PBXIP1: variants seen among roughly 807,000 people sequenced by gnomAD.
The protein encoded by PBXIP1 is pre-B-cell leukemia transcription factor-interacting protein 1.
PBXIP1 carries 73 observed loss-of-function variants against 73.7 expected under a neutral mutation model. The ratio of observed to expected loss-of-function variants is 0.99; its 90% confidence interval spans 0.82 to 1.20. The LOEUF (loss-of-function observed/expected upper bound fraction) is 1.20, where lower values mean the gene tolerates loss of function less well. Among genes scored for constraint, PBXIP1 ranks in the 50% most tolerant of loss-of-function variants. The probability of loss-of-function intolerance (pLI) is 0.00; values close to 1 mark genes in which losing one functional copy is unlikely to be tolerated. For synonymous variants in PBXIP1, 330 were observed against 366.9 expected (o/e 0.90, Z 1.15); for missense variants, 818 against 911.4 (o/e 0.90, Z 1.32).
Position 154,947,785 on chromosome 1 carries a change from C to T in PBXIP1, c.668-73G>A. Reference sequence around the variant, plus strand: ...CATTCTCCCCACACCTTCCCATTCACACAGCCACCACTCCTGCTCAGGACC... The same window carrying T: ...CATTCTCCCCACACCTTCCCATTCATACAGCCACCACTCCTGCTCAGGACC... On this transcript the variant is annotated intron_variant, in intron 7 of 10. Coordinates refer to ENST00000368463, the MANE Select transcript of PBXIP1 (RefSeq NM_020524.4). 7 of 1,496,658 alleles carry T rather than the reference C, an allele frequency of 4.7e-6. No individual in the cohort carries two copies. The East Asian group carries it at 9.0e-5, about 19-fold the overall frequency. The allele number at this position is 1,496,658 out of a possible 1,614,324, so 92.7% of individuals were successfully genotyped here.
chr1:154,945,141 G>A (rs1654759086), intron 10 of PBXIP1, 24 bp from the exon 11 acceptor site: 1 of 1,561,312 alleles, frequency 6.4e-7, no homozygotes, highest in Non-Finnish European at 8.8e-7. Context: ...GAGGCCTTTA[G>A]GGGACAATAC....
chr1:154,954,974 A>G (rs1424166212), intron 1 of PBXIP1: 2 of 984,508 alleles, frequency 2.0e-6, no homozygotes, highest in Non-Finnish European at 2.4e-6. Context: ...CAACCACATT[A>G]TCCCCTTCTG....
At chr1:154,952,071 G>A (rs903120762) in intron 2 of PBXIP1, 150 bp from the exon 3 acceptor site, 7 of 789,952 alleles carry the variant, frequency 8.9e-6, no homozygotes, top group East Asian at 2.8e-5. Flanking sequence ...CACTCACTGC[G>A]AGGAGGAACT....
Position 154,951,919 on chromosome 1 carries a change from G to A in PBXIP1, c.54C>T (p.Ser18=). 6.2e-7 allele frequency: 1 copy of A among 1,604,146 alleles called. No homozygotes were observed. The highest frequency in any genetic ancestry group is 2.2e-5 in the East Asian group (1 of 44,834). Residue 18 remains serine, a splice_region_variant and synonymous_variant, in exon 3 of 11, where the codon AGC becomes AGT. Transcript: ENST00000368463. The surrounding 1 kb of genome is among the most constrained non-coding windows in gnomAD (Gnocchi z 4.3). ...CCGGGCCCAGTGTCTCCACTGGCAG[G>A]CTCTGGGAGGAGAAGTGCAAGGAGA... ...DNSWVLAGSE[S]LPVETLGPAS...
At position 154,948,279 on chromosome 1, in the gene PBXIP1, T is replaced by C. The variant is rs143183944; in HGVS notation, c.497A>G (p.Glu166Gly). The part of the protein sequence containing the change: ...MEGLRRRRGR[E>G]AGPPQPMVPL... ...CACCATGGGCTGAGGTGGGCCGGCC[T>C]CCCGGCCCCGCCGTCTCCGCAGACC... Residue 166 changes from glutamate to glycine, a missense_variant, in exon 6 of 11, where the codon GAG becomes GGG. Transcript: ENST00000368463. The C allele has an allele frequency of 6.2e-7, 1 of 1,609,456 alleles. No homozygotes were observed.
rs759479530 is a variant in PBXIP1, at chr1:154,946,236, CCCA to C, written c.1435_1437del (p.Trp479del). ...TCAGCCTTCCGGTCTCTCTGCCCAT[CCCA>C]CCACTTTTCCTTTCCACTCCACTCC... On this transcript the variant is annotated inframe_deletion, in exon 10 of 11. Transcript: ENST00000368463. The C allele has an allele frequency of 2.0e-5, 33 of 1,614,062 alleles. No homozygotes were observed. The African/African-American group carries it at 3.6e-4, about 18-fold the overall frequency.
chr1:154,946,670 C>T lies in PBXIP1; in HGVS notation c.1004G>A (p.Arg335Gln), dbSNP rs746876130. The T allele has an allele frequency of 2.5e-5, 40 of 1,612,774 alleles. No individual in the cohort carries two copies. The highest frequency in any genetic ancestry group is 1.4e-4 in the South Asian group (13 of 91,036). Residue 335 changes from arginine to glutamine, a missense_variant, in exon 10 of 11, where the codon CGG becomes CAG. Physicochemically the swap from Arg to Gln is conservative, Grantham distance 43. Transcript: ENST00000368463. ...RALESELQQLRARLQGLEADC... is the reference protein window; with the variant it reads ...RALESELQQLQARLQGLEADC... ...GGCCTCCAGCCCCTGGAGCCGGGCC[C>T]GCAGCTGCTGCAGCTCTGACTCCAG...
chr1:154,947,877 A>G (rs1654882481), intron 7 of PBXIP1, 105 bp downstream of exon 7: 24 of 1,392,860 alleles, frequency 1.7e-5, no homozygotes, highest in Non-Finnish European at 2.4e-5. Flanking sequence ...TGACAAGGCC[A>G]CTAACTGAGA....
rs11429731 is a variant in PBXIP1 at position 154,944,516 on chromosome 1, T to TA, written c.*507dup. ...GGTGAAGCCGTGGGAGAAGCAGGGG[T>TA]AAAAAAAAAAAGGGGGGGGACTTCA... On this transcript the variant is annotated 3_prime_UTR_variant, in exon 11 of 11. Coordinates refer to ENST00000368463, the MANE Select transcript of PBXIP1 (RefSeq NM_020524.4). 67,793 of 137,874 alleles carry TA rather than the reference T, an allele frequency of 0.49. 16,707 individuals carry two copies. Among genetic ancestry groups the TA allele is most frequent in the East Asian group, 0.87 (4,283 of 4,904 alleles). 8.5% of individuals were successfully genotyped at this position (137,874 alleles called of 1,614,324 possible).
chr1:154,947,794 C>A, intron 7 of PBXIP1, 82 bp from the exon 8 acceptor site: 1 of 1,475,188 alleles, frequency 6.8e-7, no homozygotes, highest in Non-Finnish European at 9.4e-7. Flanking sequence ...ACACAGCCAC[C>A]ACTCCTGCTC....
chr1:154,951,167 AT>A lies in PBXIP1; in HGVS notation c.409+64del. ...GGACCACAGCATGTGCTCAGTAGTG[AT>A]GGCTGATCCCTCTCCCATACCTTCT... On this transcript the variant is annotated intron_variant, in intron 5 of 10. Transcript: ENST00000368463. The surrounding 1 kb of genome is among the most constrained non-coding windows in gnomAD (Gnocchi z 4.3). 1 of 1,478,122 alleles carries A rather than the reference AT, an allele frequency of 6.8e-7. No homozygotes were observed. Among genetic ancestry groups the A allele is most frequent in the Non-Finnish European group, 9.4e-7 (1 of 1,063,122 alleles). The allele number at this position is 1,478,122 out of a possible 1,614,324, so 91.6% of individuals were successfully genotyped here. A position where few individuals can be genotyped will look rare whatever the true frequency, so the allele number is the denominator to read the frequency against.
At position 154,945,872 on chromosome 1, in the gene PBXIP1, G is replaced by A. The variant is rs1458997580; in HGVS notation, c.1802C>T (p.Thr601Ile). ...TGGGGCTAGCTCTGTGCCAAAGAAA[G>A]TCAGGCCCTCCTGCCGGGCACACTC... is the stretch of plus-strand genomic sequence containing the variant. ...VDECARQEGL[T>I]FFGTELAPVR... The change falls in exon 10 of 11, where the codon ACT becomes ATT. Residue 601 changes from threonine (T) to isoleucine (I), a missense_variant. Thr to Ile is a moderately conservative substitution (Grantham distance 89, BLOSUM62 -1). Transcript: ENST00000368463. The A allele has an allele frequency of 6.2e-7, 1 of 1,614,060 alleles. No individual in the cohort carries two copies. Among genetic ancestry groups the A allele is most frequent in the Non-Finnish European group, 8.5e-7 (1 of 1,180,008 alleles).
Position 154,946,020 on chromosome 1 carries a change from CAG to C in PBXIP1, c.1652_1653del (p.Ser551TrpfsTer14). On this transcript the variant is annotated frameshift_variant, in exon 10 of 11. Coordinates refer to ENST00000368463, the MANE Select transcript of PBXIP1 (RefSeq NM_020524.4). LOFTEE classifies it high-confidence loss of function. ...PPRKSGSFHS[S>X]GEKQKQPRWR... ...CACCGAGGTTGCTTCTGCTTTTCTCCAGAGGAGTGGAAGCTACCACTTTTCCT... is the reference window on the plus strand; with the variant it reads ...CACCGAGGTTGCTTCTGCTTTTCTCCAGGAGTGGAAGCTACCACTTTTCCT... 1 of 1,614,160 alleles carries C rather than the reference CAG, an allele frequency of 6.2e-7. No individual in the cohort carries two copies. The highest frequency in any genetic ancestry group is 1.1e-5 in the South Asian group (1 of 91,084).
chr1:154,949,643 C>A (rs1185360079), intron 5 of PBXIP1, among the ~76,000 whole-genome samples: 1 of 152,184 alleles, frequency 6.6e-6, no homozygotes, highest in East Asian at 1.9e-4. Context: ...TGGCACCTGG[C>A]ATGTTCTTTA....
intron 5 of PBXIP1, among the ~76,000 whole-genome samples, chr1:154,950,042 G>A (rs1391398789): frequency 6.6e-6 from 1 of 151,574 alleles, no homozygotes; most frequent in Non-Finnish European, 1.5e-5. Flanking sequence ...TTGAGGCAGA[G>A]TCTACCTCTG....
At position 154,944,283 on chromosome 1, in the gene PBXIP1, A is replaced by C. The variant is rs1009276013; in HGVS notation, c.*741T>G. Reference sequence around the variant, plus strand: ...CAAGGCAGCTGTGAGCAAAAGGAGAAGTATCAGCTTCTCAAGGGCCTAGGG... The same window carrying C: ...CAAGGCAGCTGTGAGCAAAAGGAGACGTATCAGCTTCTCAAGGGCCTAGGG... On this transcript the variant is annotated 3_prime_UTR_variant, in exon 11 of 11. Transcript: ENST00000368463. 6.6e-6 allele frequency: 1 copy of C among 152,316 alleles called. No homozygotes were observed. Among genetic ancestry groups the C allele is most frequent in the African/African-American group, 2.4e-5 (1 of 41,410 alleles). 9.4% of individuals were successfully genotyped at this position (152,316 alleles called of 1,614,324 possible).
At chr1:154,945,425 G>A in intron 10 of PBXIP1, 147 bp downstream of exon 10, 1 of 870,272 alleles carries the variant, frequency 1.1e-6, no homozygotes, top group Non-Finnish European at 1.8e-6. Flanking sequence ...TACCCTCAAG[G>A]GAAGAAAGGA....
chr1:154,949,464 C>G (rs998628788), intron 5 of PBXIP1, among the ~76,000 whole-genome samples: 9 of 152,080 alleles, frequency 5.9e-5, no homozygotes, highest in Non-Finnish European at 1.2e-4. Flanking sequence ...CATCCTCCAC[C>G]CCATCTCCAT....
At chr1:154,948,424 GGA>G in intron 5 of PBXIP1, 58 bp from the exon 6 acceptor site, 2 of 1,243,000 alleles carry the variant, frequency 1.6e-6, no homozygotes, top group Non-Finnish European at 2.2e-6. Context: ...GGAGACACAG[GGA>G]GAGAGGGGAA....
Sources: allele counts gnomAD v4.1 joint callset (sites outside exome capture counted in the v4.1 genomes callset), GRCh38; gene constraint gnomAD v4.1.1; non-coding constraint Gnocchi (gnomAD v3.1); transcripts MANE v1.5; gene names NCBI Gene and HGNC (gene_info 2026-07-23, HGNC 2026-07-21).